The following COL23A1 variants were observed in gnomAD, a reference collection of about 807,000 sequenced individuals.
COL23A1 encodes collagen alpha-1(XXIII) chain.
Under a neutral mutation model 99.3 loss-of-function variants are expected in COL23A1, and 97 were observed. The ratio of observed to expected loss-of-function variants is 0.98; its 90% CI spans 0.83 to 1.16. COL23A1 has a LOEUF of 1.16. COL23A1 is among the 50% of genes most tolerant of loss of function. The pLI is 0.00. For missense variants in COL23A1, 762 were observed against 757.4 expected, an observed-to-expected ratio of 1.01 and a Z score of -0.07; for synonymous variants, 320 against 308.2, an observed-to-expected ratio of 1.04 and a Z score of -0.40.
intron 2 of COL23A1, among the ~76,000 whole-genome samples, chr5:178,467,295 G>A (rs1756473123): frequency 6.6e-6 from 1 of 152,174 alleles, no homozygotes; most frequent in South Asian, 2.1e-4. Context: ...AGAAATGTGT[G>A]GGTCTTGCCC....
At chr5:178,321,061 T>A (rs1437205263) in intron 2 of COL23A1, among the ~76,000 whole-genome samples, 1 of 152,256 alleles carries the variant, frequency 6.6e-6, no homozygotes, top group Non-Finnish European at 1.5e-5. Flanking sequence ...TCACATACCA[T>A]ACAGTTCATC....
chr5:178,347,366 C>T (rs912259212), intron 2 of COL23A1, among the ~76,000 whole-genome samples: 1 of 151,184 alleles, frequency 6.6e-6, no homozygotes, highest in Non-Finnish European at 1.5e-5. Flanking sequence ...CCCGAACAGG[C>T]GAATCCAGAG....
At chr5:178,567,684 T>C (rs951760125) in intron 1 of COL23A1, among the ~76,000 whole-genome samples, 6 of 152,142 alleles carry the variant, frequency 3.9e-5, no homozygotes, top group African/African-American at 1.4e-4. Flanking sequence ...TGAGCAGAGA[T>C]TGTGCCACTG....
At chr5:178,248,694 G>A (rs778249109) in intron 19 of COL23A1, among the ~76,000 whole-genome samples, 3 of 152,188 alleles carry the variant, frequency 2.0e-5, no homozygotes, top group South Asian at 2.1e-4. Context: ...GCCCAGCCAC[G>A]CATGCCCTTG....
chr5:178,263,409 G>A (rs566625220), intron 8 of COL23A1, 85 bp from the exon 9 acceptor site: 30 of 817,768 alleles, frequency 3.7e-5, no homozygotes, highest in African/African-American at 3.5e-4. Flanking sequence ...GCAGCCCCAC[G>A]CCATCCCCTT....
At chr5:178,578,412 C>CT (rs1271772635) in intron 1 of COL23A1, among the ~76,000 whole-genome samples, 3 of 152,160 alleles carry the variant, frequency 2.0e-5, no homozygotes, top group African/African-American at 7.2e-5. Flanking sequence ...TGAAAGGAGG[C>CT]TGCAGGAGGT....
intron 2 of COL23A1, among the ~76,000 whole-genome samples, chr5:178,422,195 C>T (rs1223150339): frequency 6.6e-6 from 1 of 152,152 alleles, no homozygotes; most frequent in Non-Finnish European, 1.5e-5. Context: ...CCCTGGGGCT[C>T]CGAGAAGGAC....
intron 2 of COL23A1, among the ~76,000 whole-genome samples, chr5:178,403,134 A>AAAAAT (rs1764559205): frequency 6.8e-6 from 1 of 146,314 alleles, no homozygotes; most frequent in African/African-American, 2.6e-5. Flanking sequence ...AAATAAATAA[A>AAAAAT]AAATAAATAC....
rs1447865534 is a variant in COL23A1, at chr5:178,296,306, C to T, written c.407-5937G>A. Among the ~76,000 whole-genome samples, 31 of 152,190 alleles carry T rather than the reference C, an allele frequency of 2.0e-4. 1 individual carries two copies. On this transcript the variant is annotated intron_variant, in intron 3 of 28. Transcript: ENST00000390654. ...CATCGCTCCCTCACTGAGCACTCCT[C>T]GTGCACCGGCAGCTCCACTGAATGC... is the stretch of plus-strand genomic sequence containing the variant.
chr5:178,589,321 G>C lies in COL23A1; in HGVS notation c.294+583C>G, dbSNP rs1346628188. Among the ~76,000 whole-genome samples, 1 of 152,026 alleles carries C rather than the reference G, an allele frequency of 6.6e-6. No homozygotes were observed. The highest frequency in any genetic ancestry group is 6.6e-5 in the Admixed American group (1 of 15,248). On this transcript the variant is annotated intron_variant, in intron 1 of 28. Coordinates refer to ENST00000390654, the MANE Select transcript of COL23A1 (RefSeq NM_173465.4). This position sits in a 1 kb window ranked among gnomAD's most constrained non-coding sequence, Gnocchi z 5.4. ...TTTCTCCTTCCTCTCATCTTACCAA[G>C]TCATGTGGGCGCCCCCACCCCCATC... is the stretch of plus-strand genomic sequence containing the variant.
At chr5:178,524,790 C>T (rs1216110208) in intron 2 of COL23A1, among the ~76,000 whole-genome samples, 1 of 152,192 alleles carries the variant, frequency 6.6e-6, no homozygotes, top group East Asian at 1.9e-4. Flanking sequence ...CCCTAACAGG[C>T]CATGTGGCTC....
At chr5:178,272,574 GGGCCTCA>G (rs139493675) in intron 5 of COL23A1, among the ~76,000 whole-genome samples, 2,254 of 152,262 alleles carry the variant, frequency 0.015, 23 homozygotes, top group Middle Eastern at 0.061. Flanking sequence ...CCCCGGGTCA[GGGCCTCA>G]GCCTCCATCA....
At chr5:178,580,211 C>G (rs1763591944) in intron 1 of COL23A1, among the ~76,000 whole-genome samples, 1 of 152,040 alleles carries the variant, frequency 6.6e-6, no homozygotes, top group Non-Finnish European at 1.5e-5. Flanking sequence ...GCCTGTAATC[C>G]CAGCTACTCC....
At chr5:178,367,315 G>A (rs1762539650) in intron 2 of COL23A1, among the ~76,000 whole-genome samples, 2 of 152,162 alleles carry the variant, frequency 1.3e-5, no homozygotes. Context: ...TTTGGCCTTG[G>A]GTGGGTCACG....
intron 2 of COL23A1, among the ~76,000 whole-genome samples, chr5:178,513,474 A>T (rs1759327926): frequency 1.3e-5 from 2 of 152,212 alleles, no homozygotes; most frequent in Non-Finnish European, 1.5e-5. Context: ...AGAGTTCTGT[A>T]GGTCAGAAGT....
At chr5:178,364,602 A>C (rs1365490561) in intron 2 of COL23A1, among the ~76,000 whole-genome samples, 1 of 152,076 alleles carries the variant, frequency 6.6e-6, no homozygotes, top group Non-Finnish European at 1.5e-5. Context: ...ACATCAGCAG[A>C]CACCGAATTA....
intron 2 of COL23A1, among the ~76,000 whole-genome samples, chr5:178,546,018 C>T (rs1328434980): frequency 6.6e-6 from 1 of 152,122 alleles, no homozygotes; most frequent in African/African-American, 2.4e-5. Flanking sequence ...AACCCTGACA[C>T]CCCTCCTCCA....
At chr5:178,442,604 G>A (rs567753283) in intron 2 of COL23A1, among the ~76,000 whole-genome samples, 1 of 152,274 alleles carries the variant, frequency 6.6e-6, no homozygotes, top group African/African-American at 2.4e-5. Flanking sequence ...CGCCAAAGGG[G>A]CCTCACAAAT....
chr5:178,529,161 G>A (rs908628483), intron 2 of COL23A1, among the ~76,000 whole-genome samples: 2 of 152,178 alleles, frequency 1.3e-5, no homozygotes, highest in Non-Finnish European at 1.5e-5. Flanking sequence ...TCCATGTGGC[G>A]TCTCTTCAGC....
Sources: gnomAD v4.1 joint callset for allele counts (sites outside exome capture counted in the v4.1 genomes callset) on GRCh38, gnomAD v4.1.1 for gene constraint, Gnocchi (gnomAD v3.1) non-coding constraint, MANE v1.5 for transcripts, NCBI Gene and HGNC (gene_info 2026-07-23, HGNC 2026-07-21) for gene names.